Variants in LGSN observed in about 807,000 individuals in gnomAD.
The protein encoded by LGSN is lengsin.
A neutral mutation model predicts 19.5 loss-of-function variants in LGSN; 21 were observed. That is an observed-to-expected ratio of 1.07 (90% CI 0.76 to 1.55). LGSN has a LOEUF of 1.55. Ranked by LOEUF, LGSN falls within the 40% of genes most tolerant of loss-of-function variation. The pLI is 0.00. For missense variants in LGSN, 673 were observed against 608.5 expected (o/e 1.11, Z -1.12); for synonymous variants, 257 against 215.6 (o/e 1.19, Z -1.68).
chr6:63,385,415 A>G, the LGSN span, among the ~76,000 whole-genome samples: 1 of 152,200 alleles, frequency 6.6e-6, no homozygotes, highest in Non-Finnish European at 1.5e-5. Flanking sequence ...TCTTATATGA[A>G]AATAAGTTTC....
At chr6:63,536,018 C>A in the LGSN span, among the ~76,000 whole-genome samples, 1 of 152,016 alleles carries the variant, frequency 6.6e-6, no homozygotes, top group Non-Finnish European at 1.5e-5. Context: ...GGTGATCCAC[C>A]CACCTCGGCC....
At chr6:63,289,802 G>A (rs1382799923) in intron 2 of LGSN, among the ~76,000 whole-genome samples, 3 of 152,062 alleles carry the variant, frequency 2.0e-5, no homozygotes, top group Non-Finnish European at 4.4e-5. Context: ...CAAAGAAAGG[G>A]AAAAGTGCAC....
chr6:63,364,568 G>A, the LGSN span, among the ~76,000 whole-genome samples: 2 of 152,132 alleles, frequency 1.3e-5, no homozygotes, highest in Admixed American at 6.5e-5. Flanking sequence ...ATTGAACTCA[G>A]CTCTGCACCA....
At chr6:63,469,385 A>G in the LGSN span, among the ~76,000 whole-genome samples, 2 of 152,226 alleles carry the variant, frequency 1.3e-5, no homozygotes, top group Non-Finnish European at 2.9e-5. Flanking sequence ...CTAAAAGCCA[A>G]GTCAGATATT....
the LGSN span, among the ~76,000 whole-genome samples, chr6:63,399,149 C>T: frequency 1.3e-5 from 2 of 151,974 alleles, no homozygotes; most frequent in African/African-American, 2.4e-5. Context: ...TACTGTACCT[C>T]TTCTATGTTT....
the LGSN span, among the ~76,000 whole-genome samples, chr6:63,412,510 G>C: frequency 3.9e-4 from 37 of 95,668 alleles, no homozygotes; most frequent in African/African-American, 2.1e-3. Flanking sequence ...AAGAAAGAAA[G>C]AAAGAAAGAA....
At chr6:63,292,307 A>G (rs1009132575) in intron 2 of LGSN, among the ~76,000 whole-genome samples, 2 of 152,208 alleles carry the variant, frequency 1.3e-5, no homozygotes, top group African/African-American at 2.4e-5. Context: ...TAAAAAGATA[A>G]TAAGTTTGTG....
chr6:63,538,227 A>G, the LGSN span, among the ~76,000 whole-genome samples: 2 of 152,212 alleles, frequency 1.3e-5, no homozygotes, highest in African/African-American at 4.8e-5. Flanking sequence ...AATGTTTCCC[A>G]AGTTCTGGTT....
At chr6:63,438,611 T>C in the LGSN span, among the ~76,000 whole-genome samples, 4 of 151,778 alleles carry the variant, frequency 2.6e-5, no homozygotes, top group Non-Finnish European at 4.4e-5. Flanking sequence ...AAAATGCTCA[T>C]CATCACTGGC....
chr6:63,287,995 C>CACG (rs1767609651), intron 2 of LGSN, among the ~76,000 whole-genome samples: 1 of 151,868 alleles, frequency 6.6e-6, no homozygotes. Context: ...GCAGGTGGAT[C>CACG]ACGAGGTCAG....
chr6:63,562,195 C>G, the LGSN span, among the ~76,000 whole-genome samples: 1 of 144,042 alleles, frequency 6.9e-6, no homozygotes, highest in Non-Finnish European at 1.5e-5. Context: ...AAGATATTTT[C>G]TTTTTCTTTT....
chr6:63,348,794 T>C, the LGSN span, among the ~76,000 whole-genome samples: 14,080 of 150,508 alleles, frequency 0.094, 936 homozygotes, highest in East Asian at 0.18. Context: ...TCTTGCTGTG[T>C]TGCCCGGGCT....
At chr6:63,412,746 AG>A in the LGSN span, among the ~76,000 whole-genome samples, 60 of 86,744 alleles carry the variant, frequency 6.9e-4, no homozygotes, top group Non-Finnish European at 1.0e-3. Flanking sequence ...AAAGAAAGAA[AG>A]AAAGAAAGAA....
chr6:63,386,224 A>T, the LGSN span, among the ~76,000 whole-genome samples: 1 of 152,192 alleles, frequency 6.6e-6, no homozygotes, highest in Admixed American at 6.5e-5. Context: ...CCCTTTGTGA[A>T]TATAGATAGG....
At chr6:63,385,664 A>G in the LGSN span, among the ~76,000 whole-genome samples, 2 of 152,116 alleles carry the variant, frequency 1.3e-5, no homozygotes, top group African/African-American at 2.4e-5. Flanking sequence ...TAACTTATCC[A>G]TAGTTTTCTA....
chr6:63,359,391 A>T, the LGSN span, among the ~76,000 whole-genome samples: 18 of 152,116 alleles, frequency 1.2e-4, no homozygotes, highest in Admixed American at 5.9e-4. Context: ...TTGATTGGAA[A>T]AGTTTCAGAA....
At chr6:63,558,951 A>G in the LGSN span, among the ~76,000 whole-genome samples, 1 of 152,362 alleles carries the variant, frequency 6.6e-6, no homozygotes, top group African/African-American at 2.4e-5. Context: ...GCCTGCACAT[A>G]GTAAGCACTG....
chr6:63,429,356 A>G, the LGSN span, among the ~76,000 whole-genome samples: 1 of 152,204 alleles, frequency 6.6e-6, no homozygotes, highest in East Asian at 1.9e-4. Flanking sequence ...CAGAACAAAT[A>G]TAAACAAAAT....
chr6:63,483,161 C>T, the LGSN span, among the ~76,000 whole-genome samples: 1 of 152,198 alleles, frequency 6.6e-6, no homozygotes, highest in South Asian at 2.1e-4. Context: ...ACCATAGGGA[C>T]ATTCAGTGTT....
Sources: gnomAD v4.1 joint callset for allele counts (sites outside exome capture counted in the v4.1 genomes callset) on GRCh38, gnomAD v4.1.1 for gene constraint, MANE v1.5 for transcripts, NCBI Gene and HGNC (gene_info 2026-07-23, HGNC 2026-07-21) for gene names.